The following LAMA3 variants were observed in gnomAD, a reference collection of about 807,000 sequenced individuals.
The protein encoded by LAMA3 is laminin subunit alpha-3.
In LAMA3, 281 loss-of-function variants were observed where a neutral mutation model predicts 402.0. The ratio of observed to expected loss-of-function variants is 0.70; its 90% CI spans 0.63 to 0.77. LAMA3 has a LOEUF of 0.77. Among genes scored for constraint, LAMA3 ranks in the 30% least tolerant of loss-of-function variants. LAMA3 has a pLI of 0.00. For synonymous variants in LAMA3, 1,431 were observed against 1,558.4 expected (o/e 0.92, Z 1.93); for missense variants, 3,840 against 4,215.5 (o/e 0.91, Z 2.47).
At chr18:23,745,898 C>A (rs2061644135) in intron 2 of LAMA3, among the ~76,000 whole-genome samples, 1 of 152,152 alleles carries the variant, frequency 6.6e-6, no homozygotes, top group Admixed American at 6.5e-5. Flanking sequence ...ATCAAACTCA[C>A]ATAATTAACA....
intron 1 of LAMA3, among the ~76,000 whole-genome samples, chr18:23,691,297 A>G (rs908100952): frequency 1.3e-5 from 2 of 152,204 alleles, no homozygotes; most frequent in African/African-American, 4.8e-5. Context: ...TGTTGTGCAT[A>G]TTTTAAAACA....
Position 23,763,519 on chromosome 18 carries a change from G to C in LAMA3, c.1178G>C (p.Cys393Ser). 2 of 1,561,462 alleles carry C rather than the reference G, an allele frequency of 1.3e-6. No individual in the cohort carries two copies. Among genetic ancestry groups the C allele is most frequent in the Non-Finnish European group, 1.8e-6 (2 of 1,131,892 alleles). ...GCTGGTGGAGGGGTCTGCATTAACT[G>C]TCAGGTGAGGCACTATTTAAATCAA... ...IYAGGGVCIN[C>S]QHNTAGVNCE... Residue 393 changes from cysteine to serine, a missense_variant, in exon 8 of 75, where the codon TGT becomes TCT. Transcript: ENST00000313654.
At chr18:23,810,979 C>T (rs1175981344) in intron 13 of LAMA3, among the ~76,000 whole-genome samples, 4 of 152,278 alleles carry the variant, frequency 2.6e-5, no homozygotes, top group African/African-American at 4.8e-5. Context: ...GGCCTCTCTC[C>T]CTGCCCTCCT....
intron 1 of LAMA3, among the ~76,000 whole-genome samples, chr18:23,712,241 G>A (rs1368695951): frequency 6.6e-6 from 1 of 152,052 alleles, no homozygotes; most frequent in East Asian, 1.9e-4. Flanking sequence ...TTAGCCGGGC[G>A]TGGTGGTGCA....
rs536212040 is a variant in LAMA3 at position 23,919,863 on chromosome 18, G to C, written c.7924-1072G>C. On this transcript the variant is annotated intron_variant, in intron 60 of 74. Coordinates refer to ENST00000313654, the MANE Select transcript of LAMA3 (RefSeq NM_198129.4). ...TTCAAAGACTGCTCTGGCTGTAGGG[G>C]GGAATGGACTTTCGGGGGTACATGG... is the stretch of plus-strand genomic sequence containing the variant. 1.6e-4 allele frequency among the ~76,000 whole-genome samples: 24 copies of C among 152,036 alleles called. No individual in the cohort carries two copies. The South Asian group carries it at 5.0e-3, about 32-fold the overall frequency.
chr18:23,716,258 A>G (rs2061097725), intron 2 of LAMA3, among the ~76,000 whole-genome samples: 1 of 151,926 alleles, frequency 6.6e-6, no homozygotes, highest in African/African-American at 2.4e-5. Context: ...CCCACGCTCA[A>G]GTGATTCTGG....
intron 55 of LAMA3, among the ~76,000 whole-genome samples, chr18:23,909,902 A>T (rs1398358974): frequency 3.9e-5 from 6 of 152,232 alleles, no homozygotes; most frequent in Non-Finnish European, 8.8e-5. Flanking sequence ...AGAGGGTTGG[A>T]GAGCCTAGTC....
rs751286243 is a variant in LAMA3, at chr18:23,815,498, GT to G, written c.1973del (p.Val658GlyfsTer72). 2 of 1,614,178 alleles carry G rather than the reference GT, an allele frequency of 1.2e-6. No individual in the cohort carries two copies. The highest frequency in any genetic ancestry group is 8.5e-7 in the Non-Finnish European group (1 of 1,179,986). Reference protein sequence around the residue: ...GDGDCHCKSHVGGDSCDTCED... With the variant: ...GDGDCHCKSHXGGDSCDTCED... ...TGGTGACTGTCACTGCAAGTCCCAT[GT>G]GGGTGGCGATTCCTGCGACACCTGT... On this transcript the variant is annotated frameshift_variant, in exon 17 of 75. Transcript: ENST00000313654. LOFTEE classifies it high-confidence loss of function.
At chr18:23,796,819 A>T (rs186448039) in intron 12 of LAMA3, among the ~76,000 whole-genome samples, 58 of 152,214 alleles carry the variant, frequency 3.8e-4, no homozygotes, top group African/African-American at 1.3e-3. Context: ...GATTATAGGC[A>T]TGAGCCACCA....
intron 5 of LAMA3, among the ~76,000 whole-genome samples, chr18:23,753,052 A>G (rs2061781749): frequency 1.3e-5 from 2 of 152,178 alleles, no homozygotes; most frequent in Admixed American, 6.5e-5. Flanking sequence ...CCTCCAACAT[A>G]TTGGAGAGGG....
intron 18 of LAMA3, among the ~76,000 whole-genome samples, chr18:23,817,702 A>T (rs1003033877): frequency 2.0e-5 from 3 of 151,864 alleles, no homozygotes; most frequent in African/African-American, 7.3e-5. Flanking sequence ...GTGACAGAGC[A>T]AGACCTTGTC....
In LAMA3 at chr18:23,787,282, CAAAT is replaced by C. The variant is rs538458067; in HGVS notation, c.1603+3141_1603+3144del. The stretch of plus-strand genomic sequence containing the variant: ...GGGTGACAAGAGTGAAACTCTGTCT[CAAAT>C]AAATAAATAAATAAACAGAACCTGA... On this transcript the variant is annotated intron_variant, in intron 12 of 74. Coordinates refer to ENST00000313654, the MANE Select transcript of LAMA3 (RefSeq NM_198129.4). 6.4e-3 allele frequency among the ~76,000 whole-genome samples: 964 copies of C among 151,174 alleles called. 14 individuals carry two copies. The highest frequency in any genetic ancestry group is 0.022 in the African/African-American group (906 of 41,156).
At chr18:23,781,694 T>A (rs976741033) in intron 11 of LAMA3, among the ~76,000 whole-genome samples, 7 of 152,254 alleles carry the variant, frequency 4.6e-5, no homozygotes, top group Admixed American at 4.6e-4. Flanking sequence ...GCAGATCCAA[T>A]CCAGTCGACT....
rs1404441624 is a variant in LAMA3 at position 23,867,853 on chromosome 18, T to C, written c.4703T>C (p.Ile1568Thr). The C allele has an allele frequency of 6.2e-6, 10 of 1,613,894 alleles. No individual in the cohort carries two copies. Among genetic ancestry groups the C allele is most frequent in the Non-Finnish European group, 7.6e-6 (9 of 1,179,928 alleles). The change falls in exon 37 of 75, where the codon ATC becomes ACC. Residue 1568 changes from isoleucine to threonine, a missense_variant. Coordinates refer to ENST00000313654, the MANE Select transcript of LAMA3 (RefSeq NM_198129.4). ...AAACAGGGTCAGCACATGTCCATCA[T>C]CTATGAGGAGACAAACACCCCACGG... ...VQLTGQHMSIIYEETNTPRPD... is the reference protein window; with the variant it reads ...VQLTGQHMSITYEETNTPRPD...
In LAMA3 at chr18:23,845,055, T is replaced by G. The variant is rs749569679; in HGVS notation, c.3650T>G (p.Leu1217Arg). 6.2e-7 allele frequency: 1 copy of G among 1,613,454 alleles called. No individual in the cohort carries two copies. Among genetic ancestry groups the G allele is most frequent in the Non-Finnish European group, 8.5e-7 (1 of 1,179,376 alleles). Reference sequence around the variant, plus strand: ...GCAGAAAACTATGACTACCAAATACTTCACAAAAAATCCATGGACAAGTCA... The same window carrying G: ...GCAGAAAACTATGACTACCAAATACGTCACAAAAAATCCATGGACAAGTCA... ...VPAENYDYQI[L>R]HKKSMDKSLE... Residue 1217 changes from leucine to arginine, a missense_variant, in exon 30 of 75, where the codon CTT becomes CGT. Around this residue, in one of 3 missense-constraint regions of LAMA3, gnomAD observed 2,109 missense variants for 2,376.0 expected, o/e 0.89. Transcript: ENST00000313654.
chr18:23,725,842 C>T (rs1197295398), intron 2 of LAMA3, among the ~76,000 whole-genome samples: 1 of 152,250 alleles, frequency 6.6e-6, no homozygotes, highest in Non-Finnish European at 1.5e-5. Flanking sequence ...TGAGCTGTTG[C>T]ACTTCTCTCT....
intron 31 of LAMA3, 114 bp downstream of exon 31, chr18:23,846,622 G>T: frequency 1.0e-6 from 1 of 986,990 alleles, no homozygotes; most frequent in South Asian, 1.4e-5. Context: ...GAGATCTGGA[G>T]AAATGCAGAT....
rs137852757 is a variant in LAMA3 at position 23,907,639 on chromosome 18, C to G, written c.6808C>G (p.Arg2270Gly). Reference protein sequence around the residue: ...EVIDTNLTTLRDGLHGIQRGD... With the variant: ...EVIDTNLTTLGDGLHGIQRGD... ...GATAGACACCAATCTCACAACTCTC[C>G]GAGATGGTCTTCATGGGATACAGAG... The change falls in exon 53 of 75, where the codon CGA becomes GGA. Residue 2270 changes from arginine to glycine, a missense_variant. By Grantham distance (125) the Arg-to-Gly change is moderately radical. Transcript: ENST00000313654. The G allele has an allele frequency of 1.2e-6, 2 of 1,613,268 alleles. No individual in the cohort carries two copies. The highest frequency in any genetic ancestry group is 1.7e-5 in the Admixed American group (1 of 60,026).
Position 23,928,692 on chromosome 18 carries a change from C to T in LAMA3, c.8363C>T (p.Thr2788Ile). Residue 2788 changes from threonine (T) to isoleucine (I), a missense_variant, in exon 64 of 75, where the codon ACT becomes ATT. Coordinates refer to ENST00000313654, the MANE Select transcript of LAMA3 (RefSeq NM_198129.4). Reference protein sequence around the residue: ...LSFTDLGLPPTDHLQASFGFQ... With the variant: ...LSFTDLGLPPIDHLQASFGFQ... Reference sequence around the variant, plus strand: ...TTCACTGATTTGGGCTTACCACCTACTGACCACCTCCAGGCCTCATTTGGA... The same window carrying T: ...TTCACTGATTTGGGCTTACCACCTATTGACCACCTCCAGGCCTCATTTGGA... 1 of 1,613,710 alleles carries T rather than the reference C, an allele frequency of 6.2e-7. No individual in the cohort carries two copies.
Sources: gnomAD v4.1 joint callset for allele counts (sites outside exome capture counted in the v4.1 genomes callset) on GRCh38, gnomAD v4.1.1 for gene constraint, gnomAD v4.1.1 regional missense constraint, MANE v1.5 for transcripts, NCBI Gene and HGNC (gene_info 2026-07-23, HGNC 2026-07-21) for gene names.